RSPO2: variants seen among roughly 807,000 people sequenced by gnomAD.
RSPO2 encodes R-spondin-2.
RSPO2 carries 14 observed loss-of-function variants against 30.9 expected under a neutral mutation model. The observed-to-expected ratio is 0.45, with a 90% CI of 0.30 to 0.71. The LOEUF (loss-of-function observed/expected upper bound fraction) is 0.71, where lower values mean the gene tolerates loss of function less well. RSPO2 is among the 30% of genes least tolerant of loss of function. RSPO2 has a pLI of 0.08. For missense variants in RSPO2, 264 were observed against 301.9 expected, an observed-to-expected ratio of 0.87 and a Z score of 0.93; for synonymous variants, 107 against 96.4, an observed-to-expected ratio of 1.11 and a Z score of -0.64.
intron 5 of RSPO2, among the ~76,000 whole-genome samples, chr8:107,905,084 C>T (rs995441008): frequency 1.3e-5 from 2 of 152,018 alleles, no homozygotes; most frequent in Admixed American, 6.6e-5. Flanking sequence ...TTACATGAAG[C>T]GGTGCAAATG....
At chr8:108,059,470 A>T (rs954514296) in intron 2 of RSPO2, among the ~76,000 whole-genome samples, 1 of 151,588 alleles carries the variant, frequency 6.6e-6, no homozygotes, top group African/African-American at 2.4e-5. Context: ...TAGAACTAGA[A>T]ATACCATTTG....
At chr8:107,969,191 A>G (rs1343538097) in intron 3 of RSPO2, among the ~76,000 whole-genome samples, 1 of 152,108 alleles carries the variant, frequency 6.6e-6, no homozygotes, top group Non-Finnish European at 1.5e-5. Context: ...TAAAATCCTG[A>G]CGTAGGCTGT....
chr8:107,986,636 C>A (rs1484751278), intron 3 of RSPO2, among the ~76,000 whole-genome samples: 3 of 152,202 alleles, frequency 2.0e-5, no homozygotes, highest in Non-Finnish European at 4.4e-5. Flanking sequence ...GGCAGCCCCT[C>A]TCATTTCCCA....
At chr8:108,082,933 C>A in intron 1 of RSPO2, 126 bp from the exon 2 acceptor site, 2 of 379,264 alleles carry the variant, frequency 5.3e-6, no homozygotes, top group Admixed American at 4.3e-5. Context: ...CTGCCTAGCA[C>A]GAGCCGCGGA....
At chr8:107,927,947 A>C (rs1005892383) in intron 5 of RSPO2, among the ~76,000 whole-genome samples, 3 of 152,156 alleles carry the variant, frequency 2.0e-5, no homozygotes, top group Non-Finnish European at 4.4e-5. Flanking sequence ...TGTTTACACC[A>C]ATGGTAACTA....
intron 2 of RSPO2, among the ~76,000 whole-genome samples, chr8:108,043,187 G>C (rs551961438): frequency 2.6e-5 from 4 of 152,204 alleles, no homozygotes; most frequent in Admixed American, 2.0e-4. Flanking sequence ...TTGATAAATG[G>C]GGCTTTTAAA....
chr8:108,057,141 CTTT>C (rs1394184270), intron 2 of RSPO2, among the ~76,000 whole-genome samples: 1 of 123,954 alleles, frequency 8.1e-6, no homozygotes, highest in Non-Finnish European at 1.7e-5. Flanking sequence ...ATCTTGAAAA[CTTT>C]TTAATACTGA....
intron 3 of RSPO2, among the ~76,000 whole-genome samples, chr8:107,969,591 A>T (rs960377665): frequency 6.6e-5 from 10 of 152,212 alleles, no homozygotes; most frequent in Non-Finnish European, 1.3e-4. Flanking sequence ...CAAGTGATGC[A>T]TATTTGAAAT....
At chr8:108,055,813 A>C (rs1396702413) in intron 2 of RSPO2, among the ~76,000 whole-genome samples, 1 of 152,320 alleles carries the variant, frequency 6.6e-6, no homozygotes, top group Non-Finnish European at 1.5e-5. Context: ...TCAATGGCTC[A>C]AGGCAATATG....
At chr8:108,027,189 G>A (rs1452018) in intron 2 of RSPO2, among the ~76,000 whole-genome samples, 31,923 of 152,054 alleles carry the variant, frequency 0.21, 3,534 homozygotes, top group Non-Finnish European at 0.25. Context: ...AAATAATAAA[G>A]CTCATCATTT....
At chr8:108,042,879 G>GT (rs778784058) in intron 2 of RSPO2, among the ~76,000 whole-genome samples, 3 of 151,988 alleles carry the variant, frequency 2.0e-5, no homozygotes, top group Non-Finnish European at 4.4e-5. Context: ...CATGATAGCT[G>GT]TAAGAGCTTC....
At chr8:108,034,201 T>A (rs1361877360) in intron 2 of RSPO2, among the ~76,000 whole-genome samples, 5 of 152,194 alleles carry the variant, frequency 3.3e-5, no homozygotes, top group African/African-American at 4.8e-5. Flanking sequence ...GGGGGTTTTT[T>A]TTCCCCTCCT....
intron 2 of RSPO2, chr8:108,082,102 C>T: frequency 5.4e-6 from 1 of 184,008 alleles, no homozygotes; most frequent in South Asian, 1.6e-4. Flanking sequence ...AGATCTGAGG[C>T]CGGGTTTGGG....
At chr8:107,967,619 T>C (rs368612601) in intron 3 of RSPO2, among the ~76,000 whole-genome samples, 1 of 152,166 alleles carries the variant, frequency 6.6e-6, no homozygotes, top group African/African-American at 2.4e-5. Flanking sequence ...AGAACCAGCA[T>C]TACTAAATTA....
At chr8:107,994,630 T>C (rs1475106614) in intron 2 of RSPO2, among the ~76,000 whole-genome samples, 1 of 152,164 alleles carries the variant, frequency 6.6e-6, no homozygotes, top group South Asian at 2.1e-4. Context: ...TAAAAATTCA[T>C]GTAACTTTTA....
intron 2 of RSPO2, among the ~76,000 whole-genome samples, chr8:108,003,275 G>GTATATATATATA (rs1361919160): frequency 1.8e-4 from 12 of 65,652 alleles, no homozygotes; most frequent in Non-Finnish European, 2.6e-4. Flanking sequence ...GTGTGTGTGT[G>GTATATATATATA]TGTATATATA....
intron 2 of RSPO2, among the ~76,000 whole-genome samples, chr8:108,012,361 A>T (rs936767542): frequency 6.6e-6 from 1 of 152,324 alleles, no homozygotes; most frequent in Non-Finnish European, 1.5e-5. Context: ...TGGTGAATCC[A>T]AATCTGCTTT....
chr8:107,915,480 ACAGGAAGATTT>A (rs1294863659), intron 5 of RSPO2, among the ~76,000 whole-genome samples: 4 of 152,150 alleles, frequency 2.6e-5, no homozygotes, highest in African/African-American at 9.6e-5. Flanking sequence ...GACTTCTCAA[ACAGGAAGATTT>A]CAGGGAGATT....
intron 3 of RSPO2, among the ~76,000 whole-genome samples, chr8:107,962,142 C>CTA (rs965370749): frequency 1.1e-4 from 16 of 152,060 alleles, no homozygotes; most frequent in African/African-American, 3.9e-4. Flanking sequence ...GGCTCCAGAA[C>CTA]TATACTTCAT....
Sources: allele counts gnomAD v4.1 joint callset (sites outside exome capture counted in the v4.1 genomes callset), GRCh38; gene constraint gnomAD v4.1.1; transcripts MANE v1.5; gene names NCBI Gene and HGNC (gene_info 2026-07-23, HGNC 2026-07-21).